The following CAMTA1 variants were observed in gnomAD, a reference collection of about 807,000 sequenced individuals.
CAMTA1 encodes calmodulin binding transcription activator 1, also known as calmodulin-binding transcription activator 1.
Under a neutral mutation model 170.9 loss-of-function variants are expected in CAMTA1, and 27 were observed. That is an observed-to-expected ratio of 0.16 (90% CI 0.12 to 0.22). The LOEUF is 0.22. CAMTA1 is among the 10% of genes least tolerant of loss of function. The pLI is 1.00. For synonymous variants in CAMTA1, 833 were observed against 891.5 expected (o/e 0.93, Z 1.17); for missense variants, 1,619 against 2,217.2 (o/e 0.73, Z 5.42).
intron 4 of CAMTA1, among the ~76,000 whole-genome samples, chr1:7,192,690 C>T (rs1055962810): frequency 1.3e-5 from 2 of 152,172 alleles, no homozygotes; most frequent in South Asian, 2.1e-4. Flanking sequence ...ATCACGGCCC[C>T]CTCACAACCC....
intron 4 of CAMTA1, among the ~76,000 whole-genome samples, chr1:7,219,200 C>T (rs1012119324): frequency 1.3e-5 from 2 of 152,040 alleles, no homozygotes; most frequent in Admixed American, 6.5e-5. Context: ...CAAATACTGG[C>T]GTGTTTTCCG....
intron 4 of CAMTA1, among the ~76,000 whole-genome samples, chr1:7,166,040 C>G (rs935859522): frequency 2.0e-5 from 3 of 149,866 alleles, no homozygotes; most frequent in Non-Finnish European, 3.0e-5. Flanking sequence ...TAGTGTCTCT[C>G]TAAGCGGGGG....
Position 7,677,643 on chromosome 1 carries a change from C to A in CAMTA1, c.2824C>A (p.Gln942Lys). The change falls in exon 11 of 23, where the codon CAG becomes AAG. Residue 942 changes from glutamine to lysine, a missense_variant. This residue lies in a region of CAMTA1 where 143 missense variants were observed against 184.2 expected (regional missense o/e 0.78). Transcript: ENST00000303635. ...GACCCTACAAGTTGCCTTCAACAAC[C>A]AGATCATCTCCAACTCGGTGGTGTT... ...LVTLQVAFNN[Q>K]IISNSVVFEY... 6.2e-7 allele frequency: 1 copy of A among 1,614,142 alleles called. No individual in the cohort carries two copies. The highest frequency in any genetic ancestry group is 1.3e-5 in the African/African-American group (1 of 75,060).
chr1:7,012,268 C>T (rs573477284), intron 3 of CAMTA1, among the ~76,000 whole-genome samples: 3 of 152,136 alleles, frequency 2.0e-5, no homozygotes, highest in Non-Finnish European at 4.4e-5. Context: ...ACACTCCTCC[C>T]GCCCTCTCTC....
At chr1:6,823,292 C>T (rs1311370911) in intron 2 of CAMTA1, among the ~76,000 whole-genome samples, 1 of 152,100 alleles carries the variant, frequency 6.6e-6, no homozygotes, top group Non-Finnish European at 1.5e-5. Flanking sequence ...GGAGCATAAG[C>T]ACATAAGATT....
intron 4 of CAMTA1, among the ~76,000 whole-genome samples, chr1:7,188,178 A>G (rs1285049939): frequency 6.6e-6 from 1 of 152,114 alleles, no homozygotes; most frequent in African/African-American, 2.4e-5. Context: ...CCATGATCCA[A>G]TCACCTCCCA....
chr1:7,579,820 C>T (rs1576202459), intron 6 of CAMTA1, among the ~76,000 whole-genome samples: 2 of 152,280 alleles, frequency 1.3e-5, no homozygotes, highest in East Asian at 1.9e-4. Context: ...TCGGCTTCCC[C>T]AAGTGCTGGG....
intron 6 of CAMTA1, among the ~76,000 whole-genome samples, chr1:7,625,142 G>A (rs1308675026): frequency 6.6e-6 from 1 of 152,204 alleles, no homozygotes; most frequent in Admixed American, 6.5e-5. Flanking sequence ...AAGGTTAGCA[G>A]TGGGTGACGT....
intron 3 of CAMTA1, among the ~76,000 whole-genome samples, chr1:6,976,900 T>A (rs1255854612): frequency 2.6e-5 from 4 of 152,170 alleles, no homozygotes; most frequent in African/African-American, 4.8e-5. Flanking sequence ...TGATAGTGAA[T>A]AAGTCTCACA....
At chr1:7,576,290 G>A (rs573037607) in intron 6 of CAMTA1, among the ~76,000 whole-genome samples, 16 of 152,274 alleles carry the variant, frequency 1.1e-4, no homozygotes, top group Admixed American at 7.8e-4. Flanking sequence ...GATTACAGGC[G>A]TGAACCACCG....
At position 7,634,432 on chromosome 1, in the gene CAMTA1, T is replaced by A. The variant is rs144251083; in HGVS notation, c.511-5968T>A. On this transcript the variant is annotated intron_variant, in intron 6 of 22. Transcript: ENST00000303635. This position sits in a 1 kb window ranked among gnomAD's most constrained non-coding sequence, Gnocchi z 6.2. ...AGGCGAGGTCGGCCATGGGAAGTCA[T>A]GGGGATTTTGAGGCCTTCGAGGGGT... 6.6e-6 allele frequency among the ~76,000 whole-genome samples: 1 copy of A among 151,746 alleles called. No individual in the cohort carries two copies. The highest frequency in any genetic ancestry group is 1.5e-5 in the Non-Finnish European group (1 of 67,906).
intron 6 of CAMTA1, among the ~76,000 whole-genome samples, chr1:7,571,604 C>T (rs900369001): frequency 2.0e-5 from 3 of 152,108 alleles, no homozygotes; most frequent in Admixed American, 6.5e-5. Context: ...TTTTCTGTTC[C>T]TGTGTTAGTC....
chr1:7,724,010 G>A (rs1349791112), intron 11 of CAMTA1, among the ~76,000 whole-genome samples: 1 of 152,086 alleles, frequency 6.6e-6, no homozygotes, highest in African/African-American at 2.4e-5. Flanking sequence ...AGTAGAGATG[G>A]GTTTCACCAT....
intron 3 of CAMTA1, among the ~76,000 whole-genome samples, chr1:6,989,186 C>T (rs566304234): frequency 2.8e-4 from 42 of 152,264 alleles, no homozygotes; most frequent in African/African-American, 9.4e-4. Context: ...CCTGCCTCTT[C>T]CAAGGAGACA....
chr1:6,985,876 C>T (rs1484118843), intron 3 of CAMTA1, among the ~76,000 whole-genome samples: 1 of 152,228 alleles, frequency 6.6e-6, no homozygotes, highest in African/African-American at 2.4e-5. Flanking sequence ...AGGCCTTCTG[C>T]ACTCATAGAT....
At chr1:7,268,234 A>C (rs141591697) in intron 5 of CAMTA1, among the ~76,000 whole-genome samples, 1 of 147,978 alleles carries the variant, frequency 6.8e-6, no homozygotes. Flanking sequence ...AATGGAATCC[A>C]TAGGGTAGAG....
intron 4 of CAMTA1, among the ~76,000 whole-genome samples, chr1:7,148,225 G>A (rs534772183): frequency 6.9e-6 from 1 of 144,242 alleles, no homozygotes; most frequent in South Asian, 2.3e-4. Flanking sequence ...CATACATCAT[G>A]CACACACACA....
chr1:6,916,259 G>T (rs1238931809), intron 3 of CAMTA1, among the ~76,000 whole-genome samples: 1 of 152,076 alleles, frequency 6.6e-6, no homozygotes, highest in African/African-American at 2.4e-5. Flanking sequence ...AGAGCCCAGG[G>T]CGCTTCCCGG....
chr1:7,617,889 G>T (rs2095570491), intron 6 of CAMTA1, among the ~76,000 whole-genome samples: 1 of 152,094 alleles, frequency 6.6e-6, no homozygotes, highest in Non-Finnish European at 1.5e-5. Flanking sequence ...TCACAATAAG[G>T]TTCTTAGGAG....
Sources: gnomAD v4.1 joint callset for allele counts (sites outside exome capture counted in the v4.1 genomes callset) on GRCh38, gnomAD v4.1.1 for gene constraint, gnomAD v4.1.1 regional missense constraint, Gnocchi (gnomAD v3.1) non-coding constraint, MANE v1.5 for transcripts, NCBI Gene and HGNC (gene_info 2026-07-23, HGNC 2026-07-21) for gene names.